The following MALRD1 variants were observed in gnomAD, a reference collection of about 807,000 sequenced individuals.
The protein encoded by MALRD1 is MAM and LDL receptor class A domain containing 1, also known as MAM and LDL-receptor class A domain-containing protein 1.
MALRD1 carries 247 observed loss-of-function variants against 242.1 expected under a neutral mutation model. The observed-to-expected ratio is 1.02, with a 90% CI of 0.92 to 1.13. The LOEUF (loss-of-function observed/expected upper bound fraction) is 1.13, where lower values mean the gene tolerates loss of function less well. Among genes scored for constraint, MALRD1 ranks in the 50% most tolerant of loss-of-function variants. The pLI is 0.00. For synonymous variants in MALRD1, 995 were observed against 866.6 expected, an observed-to-expected ratio of 1.15 and a Z score of -2.60; for missense variants, 2,989 against 2,533.1, an observed-to-expected ratio of 1.18 and a Z score of -3.86.
At chr10:19,426,703 T>A (rs1468410498) in intron 28 of MALRD1, among the ~76,000 whole-genome samples, 2 of 152,108 alleles carry the variant, frequency 1.3e-5, no homozygotes, top group African/African-American at 4.8e-5. Flanking sequence ...CTTGGGAGGC[T>A]GAGGCAAGAG....
chr10:19,413,915 C>T (rs1226067627), intron 28 of MALRD1, among the ~76,000 whole-genome samples: 1 of 150,828 alleles, frequency 6.6e-6, no homozygotes, highest in Admixed American at 6.6e-5. Flanking sequence ...CGCACTACTG[C>T]ACTCCAGCCT....
At chr10:19,228,423 A>G (rs1053941765) in intron 18 of MALRD1, among the ~76,000 whole-genome samples, 1 of 152,272 alleles carries the variant, frequency 6.6e-6, no homozygotes, top group African/African-American at 2.4e-5. Context: ...GCAAAAGAAA[A>G]CATTTTGTGA....
intron 14 of MALRD1, among the ~76,000 whole-genome samples, chr10:19,200,965 CT>C (rs931765304): frequency 2.0e-5 from 3 of 151,976 alleles, no homozygotes; most frequent in Non-Finnish European, 4.4e-5. Flanking sequence ...GTAACAGCCC[CT>C]AGCACAAAGC....
chr10:19,688,842 C>T (rs1842704525), intron 36 of MALRD1, among the ~76,000 whole-genome samples: 2 of 152,184 alleles, frequency 1.3e-5, no homozygotes, highest in Admixed American at 1.3e-4. Flanking sequence ...CAGACTGCCA[C>T]AATTACTTTG....
At chr10:19,622,121 C>A (rs866230637) in intron 36 of MALRD1, among the ~76,000 whole-genome samples, 3 of 151,178 alleles carry the variant, frequency 2.0e-5, no homozygotes, top group South Asian at 2.1e-4. Context: ...CAAGTATAAC[C>A]ACTAGTTTCA....
At chr10:19,497,580 T>C (rs1423333033) in intron 30 of MALRD1, among the ~76,000 whole-genome samples, 1 of 152,052 alleles carries the variant, frequency 6.6e-6, no homozygotes, top group Non-Finnish European at 1.5e-5. Flanking sequence ...ACAGCAAGGC[T>C]TTTTTCTGAT....
At chr10:19,395,369 T>C (rs1846530240) in intron 28 of MALRD1, among the ~76,000 whole-genome samples, 1 of 152,182 alleles carries the variant, frequency 6.6e-6, no homozygotes, top group Non-Finnish European at 1.5e-5. Context: ...AGATAAACAT[T>C]GGTTTGTTCC....
chr10:19,132,369 G>A (rs564834504), intron 8 of MALRD1, among the ~76,000 whole-genome samples: 94 of 152,278 alleles, frequency 6.2e-4, no homozygotes, highest in African/African-American at 1.2e-3. Flanking sequence ...GCTATCAGCC[G>A]AAAATATGTC....
At chr10:19,624,859 G>T (rs548439123) in intron 36 of MALRD1, among the ~76,000 whole-genome samples, 134 of 140,330 alleles carry the variant, frequency 9.5e-4, no homozygotes, top group African/African-American at 3.4e-3. Context: ...GGTGACAGAG[G>T]GAGACTATCT....
chr10:19,246,371 C>G (rs1839043823), intron 18 of MALRD1, among the ~76,000 whole-genome samples: 2 of 152,052 alleles, frequency 1.3e-5, no homozygotes, highest in Admixed American at 1.3e-4. Context: ...TCACTGAAGA[C>G]CAGACACAAG....
At chr10:19,402,546 TG>T (rs1846911228) in intron 28 of MALRD1, among the ~76,000 whole-genome samples, 1 of 152,278 alleles carries the variant, frequency 6.6e-6, no homozygotes, top group Admixed American at 6.5e-5. Flanking sequence ...TGTGGAACTG[TG>T]AGTCAATTAA....
chr10:19,592,797 G>A (rs1490731903), intron 33 of MALRD1, among the ~76,000 whole-genome samples: 2 of 148,262 alleles, frequency 1.3e-5, no homozygotes, highest in African/African-American at 2.5e-5. Flanking sequence ...ACACCATTCT[G>A]AATAGGAACT....
chr10:19,350,255 G>C (rs1844314305), intron 25 of MALRD1, among the ~76,000 whole-genome samples: 1 of 144,550 alleles, frequency 6.9e-6, no homozygotes, highest in South Asian at 2.2e-4. Flanking sequence ...AGACCTTAAT[G>C]ATTTTTTCTT....
intron 21 of MALRD1, among the ~76,000 whole-genome samples, chr10:19,301,941 A>G (rs1299886936): frequency 6.6e-6 from 1 of 151,898 alleles, no homozygotes; most frequent in Non-Finnish European, 1.5e-5. Context: ...CCTACTTTAA[A>G]ATAGGAAAAG....
chr10:19,200,349 T>C (rs1836463390), intron 14 of MALRD1, among the ~76,000 whole-genome samples: 1 of 152,228 alleles, frequency 6.6e-6, no homozygotes, highest in Non-Finnish European at 1.5e-5. Flanking sequence ...ATTTTGTTTT[T>C]CTCACTCAAC....
intron 21 of MALRD1, among the ~76,000 whole-genome samples, chr10:19,292,618 C>T (rs1263553452): frequency 2.6e-5 from 4 of 151,994 alleles, no homozygotes; most frequent in Non-Finnish European, 2.9e-5. Context: ...GCAGGCCGGG[C>T]GGGGTGGTTC....
chr10:19,593,194 A>G (rs1837908544), intron 33 of MALRD1, among the ~76,000 whole-genome samples: 1 of 152,220 alleles, frequency 6.6e-6, no homozygotes, highest in Non-Finnish European at 1.5e-5. Flanking sequence ...GCAATTTTAT[A>G]TGCTGCTGTG....
chr10:19,518,205 C>T (rs535410633), intron 31 of MALRD1, among the ~76,000 whole-genome samples: 2 of 152,176 alleles, frequency 1.3e-5, no homozygotes, highest in Non-Finnish European at 2.9e-5. Context: ...AGTTTGTGTA[C>T]ATACTAAGTT....
At chr10:19,456,231 A>T (rs1835641705) in intron 29 of MALRD1, among the ~76,000 whole-genome samples, 1 of 152,218 alleles carries the variant, frequency 6.6e-6, no homozygotes, top group South Asian at 2.1e-4. Flanking sequence ...AAGAAAAAAA[A>T]TACCTTGAGG....
Sources: gnomAD v4.1 joint callset for allele counts (sites outside exome capture counted in the v4.1 genomes callset) on GRCh38, gnomAD v4.1.1 for gene constraint, MANE v1.5 for transcripts, NCBI Gene and HGNC (gene_info 2026-07-23, HGNC 2026-07-21) for gene names.